The following CNST variants were observed in gnomAD, a reference collection of about 807,000 sequenced individuals.
CNST encodes consortin.
In CNST, 39 loss-of-function variants were observed where a neutral mutation model predicts 72.4. The ratio of observed to expected loss-of-function variants is 0.54; its 90% CI spans 0.42 to 0.70. The LOEUF (loss-of-function observed/expected upper bound fraction) is 0.70, where lower values mean the gene tolerates loss of function less well. CNST is among the 30% of genes least tolerant of loss of function. The probability of loss-of-function intolerance (pLI) is 0.00; values close to 1 mark genes in which losing one functional copy is unlikely to be tolerated. For synonymous variants in CNST, 332 were observed against 320.1 expected (o/e 1.04, Z -0.40); for missense variants, 871 against 868.5 (o/e 1.00, Z -0.04).
intron 2 of CNST, among the ~76,000 whole-genome samples, chr1:246,604,972 T>C (rs1166036407): frequency 6.6e-6 from 1 of 152,226 alleles, no homozygotes; most frequent in Non-Finnish European, 1.5e-5. Flanking sequence ...TGCACCATTA[T>C]TTTTGTTTTG....
chr1:246,599,388 G>A (rs112645282), intron 2 of CNST, among the ~76,000 whole-genome samples: 3,021 of 152,228 alleles, frequency 0.02, 38 homozygotes, highest in Admixed American at 0.029. Flanking sequence ...ATGCTCCCTG[G>A]GAGAATCTGT....
intron 6 of CNST, among the ~76,000 whole-genome samples, chr1:246,636,376 A>G (rs561202337): frequency 2.6e-4 from 39 of 152,130 alleles, no homozygotes; most frequent in Non-Finnish European, 5.1e-4. Flanking sequence ...TTGAAATGCT[A>G]GTAATTAAGG....
At chr1:246,624,863 G>A (rs1391823490) in intron 3 of CNST, among the ~76,000 whole-genome samples, 4 of 151,946 alleles carry the variant, frequency 2.6e-5, no homozygotes, top group African/African-American at 4.8e-5. Context: ...CATGTTGCCC[G>A]GGCTGGTCTT....
At chr1:246,583,069 G>C (rs920425223) in intron 1 of CNST, among the ~76,000 whole-genome samples, 1 of 152,166 alleles carries the variant, frequency 6.6e-6, no homozygotes, top group African/African-American at 2.4e-5. Context: ...TATAGAAATG[G>C]ATACTACCAA....
chr1:246,624,975 G>A (rs34471048), intron 3 of CNST, among the ~76,000 whole-genome samples: 2,080 of 152,060 alleles, frequency 0.014, 22 homozygotes, highest in South Asian at 0.028. Context: ...GCTCTCTCTC[G>A]TGCACACACA....
At chr1:246,616,612 T>C (rs1247621476) in intron 2 of CNST, among the ~76,000 whole-genome samples, 1 of 152,038 alleles carries the variant, frequency 6.6e-6, no homozygotes, top group African/African-American at 2.4e-5. Context: ...TGGAGTGCAG[T>C]GGCCCAGTCT....
At chr1:246,648,161 A>T in intron 9 of CNST, 124 bp downstream of exon 9, 2 of 1,441,162 alleles carry the variant, frequency 1.4e-6, no homozygotes, top group Non-Finnish European at 9.1e-7. Flanking sequence ...ATTCTAGTTA[A>T]CGTAAGCTTT....
intron 6 of CNST, among the ~76,000 whole-genome samples, chr1:246,635,358 G>A (rs373082293): frequency 0.011 from 1,688 of 151,830 alleles, 15 homozygotes; most frequent in Middle Eastern, 0.075. Context: ...GATACCACAG[G>A]GGAGAAACAG....
At chr1:246,567,102 C>G (rs1289449401) in intron 1 of CNST, among the ~76,000 whole-genome samples, 2 of 149,960 alleles carry the variant, frequency 1.3e-5, no homozygotes, top group Admixed American at 6.6e-5. Context: ...TGTCTCCCTT[C>G]CATTCCTCTC....
intron 8 of CNST, 121 bp from the exon 9 acceptor site, chr1:246,647,016 CAG>C (rs2103132532): frequency 3.4e-6 from 3 of 870,852 alleles, no homozygotes; most frequent in Non-Finnish European, 5.2e-6. Flanking sequence ...ATGCAACAGA[CAG>C]AATTTCCATT....
rs537483675 is a variant in CNST at position 246,665,623 on chromosome 1, T to G, written c.1973-77T>G. 7.9e-5 allele frequency: 95 copies of G among 1,195,794 alleles called. No homozygotes were observed. The African/African-American group carries it at 1.3e-3, about 17-fold the overall frequency. The allele number at this position is 1,195,794 out of a possible 1,614,324, so 74.1% of individuals were successfully genotyped here. A position where few individuals can be genotyped will look rare whatever the true frequency, so the allele number is the denominator to read the frequency against. ...CAACAGTAGAAATGTGTAGTTATCT[T>G]AATTAGTGAAAAGACAGCAGATGCT... On this transcript the variant is annotated intron_variant, in intron 10 of 10. Transcript: ENST00000366513.
intron 2 of CNST, among the ~76,000 whole-genome samples, chr1:246,612,242 C>G (rs1489435156): frequency 6.6e-6 from 1 of 152,212 alleles, no homozygotes; most frequent in Non-Finnish European, 1.5e-5. Context: ...GCATTTGTTG[C>G]CCAGACTAGA....
intron 6 of CNST, among the ~76,000 whole-genome samples, chr1:246,634,935 C>T (rs184706863): frequency 0.027 from 1,598 of 59,880 alleles, 102 homozygotes; most frequent in Admixed American, 0.2. Context: ...TGGATGGCCT[C>T]TCTGTCTATC....
chr1:246,568,214 ACT>A (rs2102995939), intron 1 of CNST, among the ~76,000 whole-genome samples: 1 of 152,330 alleles, frequency 6.6e-6, no homozygotes, highest in African/African-American at 2.4e-5. Context: ...TTTAAAATGC[ACT>A]GTCTTATTTC....
At chr1:246,586,528 C>T (rs1023606278) in intron 1 of CNST, among the ~76,000 whole-genome samples, 3 of 150,488 alleles carry the variant, frequency 2.0e-5, no homozygotes, top group Non-Finnish European at 4.4e-5. Context: ...AAGTACACCA[C>T]CAAAGTTTGG....
intron 2 of CNST, among the ~76,000 whole-genome samples, chr1:246,620,240 C>T (rs1313483021): frequency 6.0e-5 from 1 of 16,550 alleles, no homozygotes; most frequent in African/African-American, 1.3e-4. Context: ...TGCATACACA[C>T]GATGGGCTCT....
chr1:246,666,603 C>CA lies in CNST; in HGVS notation c.*700dup, dbSNP rs1410423616. 6.6e-6 allele frequency: 1 copy of CA among 152,186 alleles called. No homozygotes were observed. The highest frequency in any genetic ancestry group is 2.4e-5 in the African/African-American group (1 of 41,444). The allele number at this position is 152,186 out of a possible 1,614,324, so 9.4% of individuals were successfully genotyped here. On this transcript the variant is annotated 3_prime_UTR_variant, in exon 11 of 11. Coordinates refer to ENST00000366513, the MANE Select transcript of CNST (RefSeq NM_152609.3). ...ATGAATTCTAGAACTCTTGACCCTG[C>CA]AATGAGAAACTGTGACAGATCTGTG...
At chr1:246,646,574 G>A (rs540499465) in intron 8 of CNST, among the ~76,000 whole-genome samples, 78 of 152,128 alleles carry the variant, frequency 5.1e-4, no homozygotes, top group African/African-American at 1.8e-3. Flanking sequence ...TCCGCCTCCC[G>A]GGTTCAAGCA....
chr1:246,649,626 A>G (rs1666339648), intron 9 of CNST, among the ~76,000 whole-genome samples: 1 of 152,054 alleles, frequency 6.6e-6, no homozygotes, highest in Admixed American at 6.5e-5. Flanking sequence ...AAGAAGAAGC[A>G]GAGAGCTCCT....
Sources: allele counts gnomAD v4.1 joint callset (sites outside exome capture counted in the v4.1 genomes callset), GRCh38; gene constraint gnomAD v4.1.1; transcripts MANE v1.5; gene names NCBI Gene and HGNC (gene_info 2026-07-23, HGNC 2026-07-21).